TENM4: variants seen among roughly 807,000 people sequenced by gnomAD.
The protein encoded by TENM4 is teneurin transmembrane protein 4, also known as teneurin-4.
In TENM4, 82 loss-of-function variants were observed where a neutral mutation model predicts 243.3. That is an observed-to-expected ratio of 0.34 (90% CI 0.28 to 0.40). The LOEUF is 0.40. TENM4 is among the 10% of genes least tolerant of loss of function. The pLI, the probability that TENM4 is intolerant of heterozygous loss-of-function variation, is 1.00. For synonymous variants in TENM4, 1,412 were observed against 1,456.3 expected, an observed-to-expected ratio of 0.97 and a Z score of 0.69; for missense variants, 3,138 against 3,673.3, an observed-to-expected ratio of 0.85 and a Z score of 3.77.
intron 2 of TENM4, among the ~76,000 whole-genome samples, chr11:79,270,146 T>C (rs887682131): frequency 6.6e-6 from 1 of 152,160 alleles, no homozygotes; most frequent in African/African-American, 2.4e-5. Context: ...CCTGGCCACC[T>C]GCAGGAGCCT....
intron 6 of TENM4, among the ~76,000 whole-genome samples, chr11:78,956,997 T>G (rs1243176394): frequency 6.6e-6 from 1 of 152,248 alleles, no homozygotes; most frequent in African/African-American, 2.4e-5. Context: ...ATACCAATTT[T>G]AAAGGGTCTC....
intron 27 of TENM4, among the ~76,000 whole-genome samples, 198 bp from the exon 28 acceptor site, chr11:78,702,601 T>C (rs972315833): frequency 1.3e-5 from 2 of 152,056 alleles, no homozygotes; most frequent in African/African-American, 4.8e-5. Context: ...CACTGAGACA[T>C]GTGATGGTCT....
chr11:78,844,619 C>G (rs534614784), intron 12 of TENM4, among the ~76,000 whole-genome samples: 1 of 150,826 alleles, frequency 6.6e-6, no homozygotes, highest in Non-Finnish European at 1.5e-5. Context: ...TCCAGCCTGG[C>G]AACAGAGTGA....
At chr11:79,394,773 G>A (rs1444396148) in intron 1 of TENM4, among the ~76,000 whole-genome samples, 1 of 152,200 alleles carries the variant, frequency 6.6e-6, no homozygotes, top group African/African-American at 2.4e-5. Flanking sequence ...TGTCCTTATA[G>A]GAAGAGGAGG....
Position 79,132,345 on chromosome 11 carries a change from C to CAAAAAAAAAAA in TENM4, c.-66+16354_-66+16364dup, listed in dbSNP as rs569082783. Among the ~76,000 whole-genome samples the CAAAAAAAAAAA allele has an allele frequency of 1.1e-3, 56 of 49,926 alleles. 3 individuals are homozygous for CAAAAAAAAAAA. Among genetic ancestry groups the CAAAAAAAAAAA allele is most frequent in the African/African-American group, 2.1e-3 (31 of 14,532 alleles). The allele number at this position is 49,926 out of a possible 152,430, so 32.8% of individuals were successfully genotyped here. ...TGGGAGAAAGAGCAAGACTCCAACT[C>CAAAAAAAAAAA]AAAAAAAAAAAAAAAAAGAGAAATG... On this transcript the variant is annotated intron_variant, in intron 4 of 33. Coordinates refer to ENST00000278550, the MANE Select transcript of TENM4 (RefSeq NM_001098816.3).
chr11:79,039,956 A>T (rs967166179), intron 6 of TENM4, among the ~76,000 whole-genome samples: 1 of 152,162 alleles, frequency 6.6e-6, no homozygotes. Flanking sequence ...CATATTAGCA[A>T]ATGAAAATTC....
rs565405650 is a variant in TENM4 at position 78,676,260 on chromosome 11, G to T, written c.5388C>A (p.Gly1796=). The T allele has an allele frequency of 8.1e-6, 13 of 1,612,300 alleles. No individual in the cohort carries two copies. The East Asian group carries it at 2.9e-4, about 36-fold the overall frequency. The change falls in exon 30 of 34, where the codon GGC becomes GGA. Residue 1796 remains glycine, a synonymous_variant. Transcript: ENST00000278550. ...LLAGTVNPTV[G]KRNVTLPIDN... Reference sequence around the variant, plus strand: ...CGATGGGCAGCGTGACATTCCTCTTGCCCACGGTGGGGTTGACGGTGCCAG... The same window carrying T: ...CGATGGGCAGCGTGACATTCCTCTTTCCCACGGTGGGGTTGACGGTGCCAG...
chr11:79,379,370 T>C (rs769535986), intron 1 of TENM4, among the ~76,000 whole-genome samples: 1 of 152,182 alleles, frequency 6.6e-6, no homozygotes, highest in African/African-American at 2.4e-5. Flanking sequence ...GAGGCTGTTA[T>C]AGCCGTGTTA....
chr11:78,876,035 G>T (rs1859262541), intron 9 of TENM4, among the ~76,000 whole-genome samples: 1 of 152,186 alleles, frequency 6.6e-6, no homozygotes, highest in Non-Finnish European at 1.5e-5. Context: ...AGCACGGTCT[G>T]CATAGGGTTT....
intron 1 of TENM4, chr11:79,401,920 T>C (rs201132147): frequency 1.3e-4 from 31 of 245,184 alleles, no homozygotes; most frequent in Non-Finnish European, 2.6e-4. Context: ...CAGGAGACAA[T>C]TCAGGCCTAG....
At chr11:79,413,745 T>C (rs1326896439) in intron 1 of TENM4, among the ~76,000 whole-genome samples, 4 of 152,218 alleles carry the variant, frequency 2.6e-5, no homozygotes, top group African/African-American at 9.6e-5. Context: ...AGAAGTTAGA[T>C]GATAACTGTA....
intron 1 of TENM4, among the ~76,000 whole-genome samples, chr11:79,372,942 C>T (rs374316919): frequency 9.2e-5 from 14 of 152,060 alleles, no homozygotes; most frequent in African/African-American, 2.7e-4. Flanking sequence ...GGGAATCAAC[C>T]GTGCAGCCAA....
intron 5 of TENM4, among the ~76,000 whole-genome samples, chr11:79,065,484 A>G (rs924683553): frequency 6.6e-6 from 1 of 152,246 alleles, no homozygotes; most frequent in African/African-American, 2.4e-5. Flanking sequence ...GCTTGTTAAA[A>G]TGAATTGAGG....
intron 9 of TENM4, among the ~76,000 whole-genome samples, chr11:78,885,916 C>A (rs551255425): frequency 6.6e-6 from 1 of 152,172 alleles, no homozygotes; most frequent in South Asian, 2.1e-4. Context: ...CAGAGTGAGA[C>A]CCCCATCTCT....
At chr11:79,284,885 A>ACTT (rs1856221402) in intron 2 of TENM4, among the ~76,000 whole-genome samples, 1 of 152,190 alleles carries the variant, frequency 6.6e-6, no homozygotes, top group Admixed American at 6.6e-5. Flanking sequence ...TAGGCAAAGG[A>ACTT]CTTGAATAAA....
chr11:79,139,693 T>G (rs1226225453), intron 4 of TENM4, among the ~76,000 whole-genome samples: 1 of 69,024 alleles, frequency 1.4e-5, no homozygotes, highest in Non-Finnish European at 2.6e-5. Flanking sequence ...GTATATAAAA[T>G]ATATATAATA....
chr11:78,854,689 C>T (rs1289582421), intron 11 of TENM4, among the ~76,000 whole-genome samples: 1 of 151,986 alleles, frequency 6.6e-6, no homozygotes, highest in East Asian at 1.9e-4. Context: ...GGTTGAACTT[C>T]ATGCAAGTCC....
At chr11:79,187,432 G>A (rs1040317531) in intron 3 of TENM4, among the ~76,000 whole-genome samples, 1 of 152,168 alleles carries the variant, frequency 6.6e-6, no homozygotes, top group African/African-American at 2.4e-5. Flanking sequence ...CAGCCAGAAA[G>A]TGCTTCCTAA....
Position 79,047,666 on chromosome 11 carries a change from T to C in TENM4, c.493+17072A>G, listed in dbSNP as rs1223576008. 3.3e-5 allele frequency among the ~76,000 whole-genome samples: 5 copies of C among 152,254 alleles called. No homozygotes were observed. The East Asian group carries it at 9.7e-4, about 29-fold the overall frequency. On this transcript the variant is annotated intron_variant, in intron 6 of 33. Transcript: ENST00000278550. ...CAGCACTTCTCCTTCAGTGCCCATG[T>C]GTCAAGGGGGCCTAGGGTAGTGGGA...
Sources: gnomAD v4.1 joint callset for allele counts (sites outside exome capture counted in the v4.1 genomes callset) on GRCh38, gnomAD v4.1.1 for gene constraint, MANE v1.5 for transcripts, NCBI Gene and HGNC (gene_info 2026-07-23, HGNC 2026-07-21) for gene names.